Variants in RBFOX1 observed in about 807,000 individuals in gnomAD.
RBFOX1 encodes RNA binding protein fox-1 homolog 1.
Under a neutral mutation model 57.7 loss-of-function variants are expected in RBFOX1, and 8 were observed. That is an observed-to-expected ratio of 0.14 (90% CI 0.08 to 0.25). RBFOX1 has a LOEUF of 0.25. Ranked by LOEUF, RBFOX1 falls within the 10% of genes least tolerant of loss-of-function variation. RBFOX1 has a pLI of 1.00. For missense variants in RBFOX1, 611 were observed against 548.5 expected, an observed-to-expected ratio of 1.11 and a Z score of -1.14; for synonymous variants, 326 against 222.4, an observed-to-expected ratio of 1.47 and a Z score of -4.15.
intron 4 of RBFOX1, among the ~76,000 whole-genome samples, chr16:7,073,569 G>A (rs570756848): frequency 6.6e-6 from 1 of 152,286 alleles, no homozygotes; most frequent in East Asian, 1.9e-4. Context: ...CATGGCTGGT[G>A]TGGAGGCTCA....
At chr16:5,818,007 T>C (rs1408943560) in intron 3 of RBFOX1, among the ~76,000 whole-genome samples, 1 of 152,154 alleles carries the variant, frequency 6.6e-6, no homozygotes, top group Non-Finnish European at 1.5e-5. Context: ...GTGGGCTGTA[T>C]TAAGCGTATT....
intron 4 of RBFOX1, among the ~76,000 whole-genome samples, chr16:5,892,588 C>T (rs1328306265): frequency 6.6e-6 from 1 of 152,120 alleles, no homozygotes; most frequent in Non-Finnish European, 1.5e-5. Flanking sequence ...GAGGCAATAA[C>T]CACTTTTTTT....
chr16:5,839,466 C>T (rs763887163), intron 3 of RBFOX1, among the ~76,000 whole-genome samples: 6 of 152,198 alleles, frequency 3.9e-5, no homozygotes, highest in Non-Finnish European at 8.8e-5. Flanking sequence ...TCACCAGATG[C>T]AGATTTCCCA....
intron 3 of RBFOX1, among the ~76,000 whole-genome samples, chr16:5,612,514 G>A (rs1365723694): frequency 6.6e-6 from 1 of 152,254 alleles, no homozygotes; most frequent in African/African-American, 2.4e-5. Flanking sequence ...GAAGAAAAGT[G>A]CTTCACAAGG....
At chr16:6,454,196 G>A (rs988340904) in intron 2 of RBFOX1, among the ~76,000 whole-genome samples, 6 of 152,160 alleles carry the variant, frequency 3.9e-5, no homozygotes, top group Non-Finnish European at 7.4e-5. Flanking sequence ...TGTACAGGGG[G>A]TTAAGGCTTC....
At chr16:7,337,512 C>A (rs529222280) in intron 4 of RBFOX1, among the ~76,000 whole-genome samples, 1 of 152,108 alleles carries the variant, frequency 6.6e-6, no homozygotes, top group South Asian at 2.1e-4. Flanking sequence ...TAGGATGTGA[C>A]GATGTTTAAA....
At chr16:5,716,460 C>T (rs533599041) in intron 3 of RBFOX1, among the ~76,000 whole-genome samples, 36 of 152,352 alleles carry the variant, frequency 2.4e-4, no homozygotes, top group African/African-American at 8.4e-4. Flanking sequence ...AAAAAAACCT[C>T]AGCTTCGCTG....
At chr16:7,390,933 T>C (rs923973474) in intron 4 of RBFOX1, among the ~76,000 whole-genome samples, 1 of 151,878 alleles carries the variant, frequency 6.6e-6, no homozygotes, top group Non-Finnish European at 1.5e-5. Flanking sequence ...GGGAGAAGGA[T>C]TTTTTTTACT....
At chr16:6,793,667 G>T (rs1471295621) in intron 3 of RBFOX1, among the ~76,000 whole-genome samples, 2 of 152,134 alleles carry the variant, frequency 1.3e-5, no homozygotes, top group East Asian at 1.9e-4. Flanking sequence ...ATTATAACTT[G>T]CTCTGTAGGA....
chr16:6,255,585 T>C (rs2097656060), intron 1 of RBFOX1, among the ~76,000 whole-genome samples: 1 of 152,070 alleles, frequency 6.6e-6, no homozygotes, highest in Non-Finnish European at 1.5e-5. Flanking sequence ...TTCAGTGTCC[T>C]ATAAGGTTAG....
At chr16:6,080,363 G>A (rs953795305) in intron 1 of RBFOX1, among the ~76,000 whole-genome samples, 1 of 152,134 alleles carries the variant, frequency 6.6e-6, no homozygotes, top group Non-Finnish European at 1.5e-5. Context: ...TCTCACCTAA[G>A]TTCAGCCAGT....
At chr16:6,777,965 G>T (rs887096210) in intron 3 of RBFOX1, among the ~76,000 whole-genome samples, 8 of 152,114 alleles carry the variant, frequency 5.3e-5, no homozygotes, top group Non-Finnish European at 8.8e-5. Context: ...CTGAATGTGA[G>T]CAGCAGAATA....
chr16:6,821,870 G>T (rs2091366168), intron 3 of RBFOX1, among the ~76,000 whole-genome samples: 1 of 152,124 alleles, frequency 6.6e-6, no homozygotes, highest in Non-Finnish European at 1.5e-5. Flanking sequence ...ATTTTTGTGG[G>T]TATATACCTA....
chr16:5,808,290 G>A (rs2055300413), intron 3 of RBFOX1, among the ~76,000 whole-genome samples: 1 of 152,178 alleles, frequency 6.6e-6, no homozygotes. Flanking sequence ...CTCTGTATTG[G>A]TACCAGTGCC....
At chr16:6,640,206 G>A (rs1329210755) in intron 2 of RBFOX1, among the ~76,000 whole-genome samples, 1 of 152,162 alleles carries the variant, frequency 6.6e-6, no homozygotes, top group Non-Finnish European at 1.5e-5. Flanking sequence ...ATATTATGGT[G>A]AATTATTTTA....
At chr16:6,941,928 C>G (rs55643807) in intron 3 of RBFOX1, among the ~76,000 whole-genome samples, 4,863 of 152,242 alleles carry the variant, frequency 0.032, 82 homozygotes, top group Non-Finnish European at 0.044. Flanking sequence ...CCGCTTCAGT[C>G]TCCCAAGTAG....
intron 1 of RBFOX1, among the ~76,000 whole-genome samples, chr16:6,055,648 T>A (rs1276288355): frequency 6.9e-6 from 1 of 145,382 alleles, no homozygotes; most frequent in Non-Finnish European, 1.5e-5. Context: ...GTTCCTACTC[T>A]CATGGAAGTT....
rs565444339 is a variant in RBFOX1, at chr16:6,863,552, A to G, written c.-15-188505A>G. ...TTACAATTATTTTCTGGTTACATAGATAAATGTAAATAACATTAAAGATGT... is the reference window on the plus strand; with the variant it reads ...TTACAATTATTTTCTGGTTACATAGGTAAATGTAAATAACATTAAAGATGT... On this transcript the variant is annotated intron_variant, in intron 3 of 15. Coordinates refer to ENST00000550418, the MANE Select transcript of RBFOX1 (RefSeq NM_018723.4). 5.7e-4 allele frequency among the ~76,000 whole-genome samples: 87 copies of G among 152,002 alleles called. 1 individual carries two copies. Among genetic ancestry groups the G allele is most frequent in the African/African-American group, 2.1e-3 (86 of 41,452 alleles).
intron 2 of RBFOX1, among the ~76,000 whole-genome samples, chr16:6,333,412 T>C (rs932860276): frequency 2.0e-5 from 3 of 152,206 alleles, no homozygotes; most frequent in African/African-American, 4.8e-5. Flanking sequence ...GATCTGATAG[T>C]TCTGTTGTTT....
Sources: allele counts gnomAD v4.1 joint callset (sites outside exome capture counted in the v4.1 genomes callset), GRCh38; gene constraint gnomAD v4.1.1; transcripts MANE v1.5; gene names NCBI Gene and HGNC (gene_info 2026-07-23, HGNC 2026-07-21).